MAGI1: variants seen among roughly 807,000 people sequenced by gnomAD.
MAGI1 encodes the protein membrane associated guanylate kinase, WW and PDZ domain containing 1.
A neutral mutation model predicts 139.9 loss-of-function variants in MAGI1; 58 were observed. The ratio of observed to expected loss-of-function variants is 0.41; its 90% CI spans 0.34 to 0.52. MAGI1 has a LOEUF of 0.52. Ranked by LOEUF, MAGI1 falls within the 20% of genes least tolerant of loss-of-function variation. The pLI is 0.12. For synonymous variants in MAGI1, 812 were observed against 737.9 expected, an observed-to-expected ratio of 1.10 and a Z score of -1.63; for missense variants, 1,874 against 1,901.6, an observed-to-expected ratio of 0.99 and a Z score of 0.27.
At chr3:65,653,982 G>C (rs1472493) in intron 1 of MAGI1, among the ~76,000 whole-genome samples, 62,513 of 151,982 alleles carry the variant, frequency 0.41, 15,499 homozygotes, top group East Asian at 0.98. Flanking sequence ...AAATGAACTA[G>C]AAAGAAATAC....
chr3:65,792,424 A>G (rs2039846432), intron 1 of MAGI1, among the ~76,000 whole-genome samples: 1 of 152,038 alleles, frequency 6.6e-6, no homozygotes, highest in Admixed American at 6.6e-5. Context: ...AAGATCATGC[A>G]CTCCACCCTG....
At chr3:65,559,200 T>C (rs2080223891) in intron 2 of MAGI1, among the ~76,000 whole-genome samples, 1 of 152,224 alleles carries the variant, frequency 6.6e-6, no homozygotes, top group Non-Finnish European at 1.5e-5. Context: ...CTAAGGAAAA[T>C]TAGCAGAAAT....
intron 2 of MAGI1, chr3:65,498,891 G>T: frequency 7.1e-6 from 3 of 422,540 alleles, no homozygotes; most frequent in African/African-American, 2.2e-5. Flanking sequence ...GTGGCTAGTG[G>T]CTACTGGCCT....
chr3:65,787,955 GAA>G (rs1361681762), intron 1 of MAGI1, among the ~76,000 whole-genome samples: 1 of 152,150 alleles, frequency 6.6e-6, no homozygotes, highest in Non-Finnish European at 1.5e-5. Flanking sequence ...AGCCAATCAA[GAA>G]AAAAGTTTAT....
intron 1 of MAGI1, among the ~76,000 whole-genome samples, chr3:65,702,952 A>T (rs2089716812): frequency 6.6e-6 from 1 of 151,918 alleles, no homozygotes; most frequent in African/African-American, 2.4e-5. Flanking sequence ...GAGATGCAGG[A>T]CTACCCCCTG....
At chr3:65,859,243 G>C (rs994101899) in intron 1 of MAGI1, among the ~76,000 whole-genome samples, 1 of 151,872 alleles carries the variant, frequency 6.6e-6, no homozygotes, top group African/African-American at 2.4e-5. Flanking sequence ...TGAGGTGGAA[G>C]AATCACTTGA....
intron 1 of MAGI1, among the ~76,000 whole-genome samples, chr3:65,977,540 G>A (rs144039719): frequency 7.9e-5 from 12 of 152,004 alleles, no homozygotes; most frequent in African/African-American, 9.6e-5. Flanking sequence ...GTGAAACCTC[G>A]TCTCTACTAA....
intron 1 of MAGI1, among the ~76,000 whole-genome samples, chr3:65,626,083 G>T (rs1236724059): frequency 1.3e-5 from 2 of 152,144 alleles, no homozygotes; most frequent in African/African-American, 2.4e-5. Context: ...GCAATGTAGG[G>T]TTTTAAATTT....
intron 1 of MAGI1, among the ~76,000 whole-genome samples, chr3:65,650,779 A>C (rs1192809346): frequency 6.6e-6 from 1 of 152,184 alleles, no homozygotes; most frequent in African/African-American, 2.4e-5. Context: ...TGTGAATCAG[A>C]ATTTGGATTT....
At chr3:65,644,604 C>G (rs2085159146) in intron 1 of MAGI1, among the ~76,000 whole-genome samples, 1 of 151,832 alleles carries the variant, frequency 6.6e-6, no homozygotes, top group African/African-American at 2.4e-5. Context: ...AATTTTAGAA[C>G]TATAAATTAT....
chr3:65,788,100 A>G (rs958122728), intron 1 of MAGI1, among the ~76,000 whole-genome samples: 1 of 152,206 alleles, frequency 6.6e-6, no homozygotes, highest in Non-Finnish European at 1.5e-5. Flanking sequence ...AGAAGTAATT[A>G]ACATAAATTG....
At chr3:65,812,128 C>G (rs1303468345) in intron 1 of MAGI1, among the ~76,000 whole-genome samples, 1 of 152,028 alleles carries the variant, frequency 6.6e-6, no homozygotes, top group Non-Finnish European at 1.5e-5. Flanking sequence ...TTAAATAGCT[C>G]TCAGGAAATG....
chr3:65,575,987 G>C (rs1301940153), intron 2 of MAGI1, among the ~76,000 whole-genome samples: 1 of 152,142 alleles, frequency 6.6e-6, no homozygotes, highest in Non-Finnish European at 1.5e-5. Context: ...TAATTGTGGT[G>C]CTGGTTTTAT....
At chr3:65,964,713 C>T (rs541515217) in intron 1 of MAGI1, among the ~76,000 whole-genome samples, 10 of 152,296 alleles carry the variant, frequency 6.6e-5, no homozygotes, top group African/African-American at 2.4e-4. Context: ...ATTTTTTGAG[C>T]AGCTGCACAC....
intron 1 of MAGI1, among the ~76,000 whole-genome samples, chr3:65,694,165 G>A (rs2088935593): frequency 1.3e-5 from 2 of 152,096 alleles, no homozygotes; most frequent in Admixed American, 1.3e-4. Flanking sequence ...AAAACAAGAG[G>A]CATTGAGAAT....
chr3:65,790,736 C>T (rs187707805), intron 1 of MAGI1, among the ~76,000 whole-genome samples: 1 of 152,304 alleles, frequency 6.6e-6, no homozygotes, highest in Non-Finnish European at 1.5e-5. Context: ...CGCGGGGGAA[C>T]ATGCTTGTGC....
chr3:65,829,607 T>C (rs988294408), intron 1 of MAGI1, among the ~76,000 whole-genome samples: 1 of 152,154 alleles, frequency 6.6e-6, no homozygotes, highest in Non-Finnish European at 1.5e-5. Context: ...AATTACCCAG[T>C]CTAAGGTATT....
intron 1 of MAGI1, among the ~76,000 whole-genome samples, chr3:65,820,683 C>T (rs755589399): frequency 6.6e-6 from 1 of 152,168 alleles, no homozygotes; most frequent in Non-Finnish European, 1.5e-5. Flanking sequence ...ATCAAACTAA[C>T]TCAAGTTCCC....
chr3:65,450,256 G>A (rs1457300120), intron 6 of MAGI1, among the ~76,000 whole-genome samples: 2 of 152,044 alleles, frequency 1.3e-5, no homozygotes, highest in Non-Finnish European at 2.9e-5. Flanking sequence ...GGTTGTCAGC[G>A]ATAACATCAT....
Sources: gnomAD v4.1 joint callset for allele counts (sites outside exome capture counted in the v4.1 genomes callset) on GRCh38, gnomAD v4.1.1 for gene constraint, MANE v1.5 for transcripts, NCBI Gene and HGNC (gene_info 2026-07-23, HGNC 2026-07-21) for gene names.